NGDN: variants seen among roughly 807,000 people sequenced by gnomAD.
NGDN encodes the protein EIF4E-binding protein.
NGDN carries 41 observed loss-of-function variants against 45.2 expected under a neutral mutation model. The ratio of observed to expected loss-of-function variants is 0.91; its 90% CI spans 0.71 to 1.18. The LOEUF (loss-of-function observed/expected upper bound fraction) is 1.18, where lower values mean the gene tolerates loss of function less well. Among genes scored for constraint, NGDN ranks in the 50% most tolerant of loss-of-function variants. The pLI, the probability that NGDN is intolerant of heterozygous loss-of-function variation, is 0.00. For synonymous variants in NGDN, 137 were observed against 130.9 expected, an observed-to-expected ratio of 1.05 and a Z score of -0.32; for missense variants, 402 against 399.9, an observed-to-expected ratio of 1.01 and a Z score of -0.05.
At chr14:23,474,830 A>G (rs752434832) in intron 3 of NGDN, among the ~76,000 whole-genome samples, 54 of 152,308 alleles carry the variant, frequency 3.5e-4, no homozygotes, top group Middle Eastern at 3.4e-3. Context: ...CTGGAAACCT[A>G]CAATGCCCAG....
At chr14:23,474,814 A>G (rs565235331) in intron 3 of NGDN, among the ~76,000 whole-genome samples, 1 of 152,204 alleles carries the variant, frequency 6.6e-6, no homozygotes, top group African/African-American at 2.4e-5. Context: ...GAGGCCAAGG[A>G]TGCTGCTGGA....
chr14:23,478,166 C>CT lies in NGDN; in HGVS notation c.*142dup. ...AGCCTTACTAATAAAATTGATTTTG[C>CT]TTATGAATTAAAGCCCCTTTTTGCA... is the stretch of plus-strand genomic sequence containing the variant. On this transcript the variant is annotated 3_prime_UTR_variant, in exon 11 of 11. Transcript: ENST00000408901. The CT allele has an allele frequency of 1.2e-6, 1 of 801,858 alleles. No individual in the cohort carries two copies. The highest frequency in any genetic ancestry group is 2.0e-6 in the Non-Finnish European group (1 of 502,322). The allele number at this position is 801,858 out of a possible 1,614,324, so 49.7% of individuals were successfully genotyped here.
In NGDN at chr14:23,478,031, G is replaced by A. The variant is rs1893945110; in HGVS notation, c.*5G>A. The A allele has an allele frequency of 6.2e-7, 1 of 1,613,506 alleles. No homozygotes were observed. The highest frequency in any genetic ancestry group is 1.3e-5 in the African/African-American group (1 of 74,954). On this transcript the variant is annotated 3_prime_UTR_variant, in exon 11 of 11. Transcript: ENST00000408901. ...GGTTTTCGGAGGCGGCGGTGATTAT[G>A]GGTGTACATATTTGTATATTTTTTG... is the stretch of plus-strand genomic sequence containing the variant.
At chr14:23,471,992 A>C (rs1893788091) in intron 3 of NGDN, among the ~76,000 whole-genome samples, 1 of 151,536 alleles carries the variant, frequency 6.6e-6, no homozygotes, top group Admixed American at 6.6e-5. Context: ...TGGGTTTGAG[A>C]CCAGCCTGGG....
rs1893878657 is a variant in NGDN, at chr14:23,475,569, G to A, written c.294G>A (p.Lys98=). 1 of 1,613,846 alleles carries A rather than the reference G, an allele frequency of 6.2e-7. No individual in the cohort carries two copies. Among genetic ancestry groups the A allele is most frequent in the Non-Finnish European group, 8.5e-7 (1 of 1,179,984 alleles). Residue 98 remains lysine, a synonymous_variant, in exon 5 of 11, where the codon AAG becomes AAA. Transcript: ENST00000408901. ...RLVEIRTVLE[K]LRPLDQKLKY... ...CTACCATGTTGTAGGTTTTGGAAAAGCTTCGTCCCTTGGACCAAAAGCTGA... is the reference window on the plus strand; with the variant it reads ...CTACCATGTTGTAGGTTTTGGAAAAACTTCGTCCCTTGGACCAAAAGCTGA...
In NGDN at chr14:23,475,861, G is replaced by A. The variant is rs1893889776; in HGVS notation, c.420+83G>A. On this transcript the variant is annotated intron_variant, in intron 6 of 10. Transcript: ENST00000408901. ...CTCTTGGTGATCCTGGATACCCTGGGATTCTCTTAGGACTTGATTTTCCAA... is the reference window on the plus strand; with the variant it reads ...CTCTTGGTGATCCTGGATACCCTGGAATTCTCTTAGGACTTGATTTTCCAA... 1.5e-5 allele frequency: 22 copies of A among 1,488,694 alleles called. No homozygotes were observed. The Admixed American group carries it at 3.9e-4, about 27-fold the overall frequency. The allele number at this position is 1,488,694 out of a possible 1,614,324, so 92.2% of individuals were successfully genotyped here.
At chr14:23,471,337 T>C (rs1370838638) in intron 3 of NGDN, 3 of 201,708 alleles carry the variant, frequency 1.5e-5, no homozygotes, top group Non-Finnish European at 3.0e-5. Flanking sequence ...AGTATGGTGA[T>C]AAGGGAAAGG....
intron 3 of NGDN, chr14:23,471,301 C>A: frequency 4.0e-6 from 1 of 252,676 alleles, no homozygotes; most frequent in Non-Finnish European, 7.5e-6. Context: ...AAAGAAGGAA[C>A]ATGTGCAAAG....
chr14:23,477,652 C>T (rs370352106), intron 10 of NGDN, 92 bp downstream of exon 10: 20 of 1,584,198 alleles, frequency 1.3e-5, no homozygotes, highest in East Asian at 1.1e-4. Flanking sequence ...TCTCACCAAG[C>T]CCTGTAGTAT....
chr14:23,477,529 G>A lies in NGDN; in HGVS notation c.897G>A (p.Lys299=). The change falls in exon 10 of 11, where the codon AAG becomes AAA. Residue 299 remains lysine (K), a synonymous_variant. Coordinates refer to ENST00000408901, the MANE Select transcript of NGDN (RefSeq NM_001042635.2). The stretch of plus-strand genomic sequence containing the variant: ...ATCAGAATCCTATTAAGAAGCGGAA[G>A]AAGATACCTCAGAAAGGTCGGAAGA... ...DEDQNPIKKR[K]KIPQKGRKKK... The A allele has an allele frequency of 6.2e-7, 1 of 1,614,200 alleles. No homozygotes were observed. Among genetic ancestry groups the A allele is most frequent in the Admixed American group, 1.7e-5 (1 of 60,026 alleles).
intron 8 of NGDN, 25 bp from the exon 9 acceptor site, chr14:23,477,175 G>A: frequency 1.9e-6 from 3 of 1,612,894 alleles, no homozygotes; most frequent in Non-Finnish European, 2.5e-6. Context: ...GTCTGAGCCT[G>A]CTGGAAACTG....
intron 2 of NGDN, chr14:23,470,386 G>A (rs1595104334): frequency 2.3e-6 from 1 of 426,428 alleles, no homozygotes; most frequent in East Asian, 4.7e-5. Flanking sequence ...GGGTGCCCAG[G>A]TAATACACAC....
intron 3 of NGDN, among the ~76,000 whole-genome samples, chr14:23,472,950 C>G (rs192127488): frequency 2.0e-5 from 3 of 152,254 alleles, no homozygotes; most frequent in Admixed American, 2.0e-4. Flanking sequence ...GTCGGAAGAG[C>G]CTGCTTCTCA....
At chr14:23,475,996 T>C (rs1226456065) in intron 6 of NGDN, 33 bp from the exon 7 acceptor site, 1 of 1,613,754 alleles carries the variant, frequency 6.2e-7, no homozygotes, top group East Asian at 2.2e-5. Context: ...TCATGAATGC[T>C]TCCTAAATTT....
intron 10 of NGDN, 123 bp downstream of exon 10, chr14:23,477,683 A>C: frequency 6.6e-7 from 1 of 1,523,462 alleles, no homozygotes; most frequent in Non-Finnish European, 8.8e-7. Flanking sequence ...CTGGGCAATA[A>C]TCTCCTTAGG....
rs757484932 is a variant in NGDN at position 23,475,598 on chromosome 14, A to G, written c.323A>G (p.Tyr108Cys). 7 of 1,614,106 alleles carry G rather than the reference A, an allele frequency of 4.3e-6. No homozygotes were observed. The highest frequency in any genetic ancestry group is 5.9e-6 in the Non-Finnish European group (7 of 1,180,046). Residue 108 changes from tyrosine to cysteine, a missense_variant, in exon 5 of 11, where the codon TAT becomes TGT. Coordinates refer to ENST00000408901, the MANE Select transcript of NGDN (RefSeq NM_001042635.2). The stretch of plus-strand genomic sequence containing the variant: ...CGTCCCTTGGACCAAAAGCTGAAGT[A>G]TCAAATTGACAAGCTGATCAAGACT... ...KLRPLDQKLK[Y>C]QIDKLIKTAV...
chr14:23,474,971 G>C (rs916239932), intron 3 of NGDN, among the ~76,000 whole-genome samples, 200 bp from the exon 4 acceptor site: 7 of 152,126 alleles, frequency 4.6e-5, no homozygotes, highest in Non-Finnish European at 7.4e-5. Flanking sequence ...TTAATTTTCT[G>C]AGCGTTGTTT....
intron 10 of NGDN, 179 bp downstream of exon 10, chr14:23,477,739 CACAAAATG>C: frequency 1.4e-6 from 2 of 1,460,244 alleles, no homozygotes; most frequent in Non-Finnish European, 1.8e-6. Context: ...CAGCATCATT[CACAAAATG>C]AATCTCTGGA....
intron 2 of NGDN, chr14:23,470,407 A>T (rs755258204): frequency 1.3e-5 from 4 of 310,542 alleles, no homozygotes; most frequent in Non-Finnish European, 2.4e-5. Context: ...TTATATACAG[A>T]TGCTTCTCGA....
Sources: gnomAD v4.1 joint callset for allele counts (sites outside exome capture counted in the v4.1 genomes callset) on GRCh38, gnomAD v4.1.1 for gene constraint, MANE v1.5 for transcripts, NCBI Gene and HGNC (gene_info 2026-07-23, HGNC 2026-07-21) for gene names.